SDK2: variants seen among roughly 807,000 people sequenced by gnomAD.
SDK2 encodes protein sidekick-2.
In SDK2, 105 loss-of-function variants were observed where a neutral mutation model predicts 253.9. The observed-to-expected ratio is 0.41, with a 90% CI of 0.35 to 0.49. SDK2 has a LOEUF of 0.49. SDK2 is among the 20% of genes least tolerant of loss of function. SDK2 has a pLI of 0.06. For missense variants in SDK2, 2,608 were observed against 3,003.0 expected, an observed-to-expected ratio of 0.87 and a Z score of 3.07; for synonymous variants, 1,249 against 1,234.9, an observed-to-expected ratio of 1.01 and a Z score of -0.24.
chr17:73,469,139 T>G (rs577913443), intron 3 of SDK2, among the ~76,000 whole-genome samples: 1 of 152,268 alleles, frequency 6.6e-6, no homozygotes, highest in Non-Finnish European at 1.5e-5. Flanking sequence ...CTCTTTTTAT[T>G]AAGCCACACT....
intron 1 of SDK2, among the ~76,000 whole-genome samples, chr17:73,521,793 T>C (rs2064082062): frequency 6.6e-6 from 1 of 152,222 alleles, no homozygotes; most frequent in African/African-American, 2.4e-5. Context: ...CACAGTCTCC[T>C]GGCGCGTACC....
intron 3 of SDK2, among the ~76,000 whole-genome samples, chr17:73,463,731 G>T (rs1207125682): frequency 2.0e-5 from 3 of 152,118 alleles, no homozygotes; most frequent in Admixed American, 1.3e-4. Context: ...TTTTGGGGGG[G>T]CTCCATCCTG....
At position 73,496,411 on chromosome 17, in the gene SDK2, G is replaced by T. The variant is rs1468590427; in HGVS notation, c.224+11027C>A. ...GGGAAGATAAACAACGGTTTGCCAG[G>T]TAGCAGAGGCGTGCGAGGACGGTAG... On this transcript the variant is annotated intron_variant, in intron 2 of 44. Transcript: ENST00000392650. This position sits in a 1 kb window ranked among gnomAD's most constrained non-coding sequence, Gnocchi z 4.7. 6.6e-6 allele frequency among the ~76,000 whole-genome samples: 1 copy of T among 152,180 alleles called. No homozygotes were observed. Among genetic ancestry groups the T allele is most frequent in the Non-Finnish European group, 1.5e-5 (1 of 68,028 alleles).
rs1372815254 is a variant in SDK2 at position 73,465,934 on chromosome 17, C to CGT, written c.331+6176_331+6177dup. Among the ~76,000 whole-genome samples the CGT allele has an allele frequency of 1.3e-5, 2 of 152,114 alleles. No homozygotes were observed. Among genetic ancestry groups the CGT allele is most frequent in the Non-Finnish European group, 1.5e-5 (1 of 68,036 alleles). ...CTCTCTCAGAACTGTGTGCCATCTG[C>CGT]GTGTGTGTGTAAGGAGACAGACGGA... On this transcript the variant is annotated intron_variant, in intron 3 of 44. Coordinates refer to ENST00000392650, the MANE Select transcript of SDK2 (RefSeq NM_001144952.2). This position sits in a 1 kb window ranked among gnomAD's most constrained non-coding sequence, Gnocchi z 4.2.
intron 38 of SDK2, among the ~76,000 whole-genome samples, chr17:73,364,687 TC>T (rs1343066729): frequency 1.3e-5 from 2 of 152,174 alleles, no homozygotes; most frequent in Admixed American, 1.3e-4. Flanking sequence ...AGTGGCGTGA[TC>T]CCGGCTTACT....
rs1309639234 is a variant in SDK2 at position 73,431,626 on chromosome 17, G to A, written c.1356C>T (p.Phe452=). ...LASGSVQLPR[F]TPLESGSLLI... ...GGAGGCTGCCCGACTCCAGGGGTGTGAAGCGAGGCAGCTGCACAGAGCCAC... is the reference window on the plus strand; with the variant it reads ...GGAGGCTGCCCGACTCCAGGGGTGTAAAGCGAGGCAGCTGCACAGAGCCAC... The change falls in exon 11 of 45, where the codon TTC becomes TTT. Residue 452 remains phenylalanine (F), a synonymous_variant. Transcript: ENST00000392650. The surrounding 1 kb of genome is among the most constrained non-coding windows in gnomAD (Gnocchi z 5.6). 2 of 1,613,112 alleles carry A rather than the reference G, an allele frequency of 1.2e-6. No individual in the cohort carries two copies. Among genetic ancestry groups the A allele is most frequent in the South Asian group, 1.1e-5 (1 of 91,044 alleles).
At chr17:73,446,421 T>C (rs1236426242) in intron 5 of SDK2, among the ~76,000 whole-genome samples, 1 of 151,914 alleles carries the variant, frequency 6.6e-6, no homozygotes, top group Non-Finnish European at 1.5e-5. Flanking sequence ...AGAATGAAAC[T>C]CTCCTCCCCG....
intron 1 of SDK2, among the ~76,000 whole-genome samples, chr17:73,607,780 G>C (rs1004477512): frequency 1.3e-5 from 2 of 152,094 alleles, no homozygotes; most frequent in Admixed American, 6.5e-5. Context: ...TGTAGAAAAG[G>C]CTTTTACTCT....
chr17:73,569,104 G>A (rs1254860577), intron 1 of SDK2, among the ~76,000 whole-genome samples: 1 of 152,044 alleles, frequency 6.6e-6, no homozygotes, highest in Non-Finnish European at 1.5e-5. Context: ...CAGAGATGTT[G>A]AGTAACTCAC....
In SDK2 at chr17:73,394,230, G is replaced by A. The variant is rs372758501; in HGVS notation, c.3687C>T (p.Asn1229=). The A allele has an allele frequency of 7.3e-5, 116 of 1,589,166 alleles. 1 individual carries two copies. Among genetic ancestry groups the A allele is most frequent in the African/African-American group, 6.8e-4 (51 of 74,472 alleles). The part of the protein sequence containing the change: ...RWSEVPEADR[N]GLVLGYKVMY... The stretch of plus-strand genomic sequence containing the variant: ...TCACCTTATAGCCCAGCACGAGCCC[G>A]TTGCGATCAGCCTCGGGGACCTCGC... The change falls in exon 26 of 45, where the codon AAC becomes AAT. Residue 1229 remains asparagine (N), a synonymous_variant. Transcript: ENST00000392650.
rs1278184461 is a variant in SDK2, at chr17:73,408,908, C to A, written c.2484+5736G>T. Reference sequence around the variant, plus strand: ...CTGGATATCTGATGATATTACAGGGCCTGCTGATATTTTTAGCTATCATAA... The same window carrying A: ...CTGGATATCTGATGATATTACAGGGACTGCTGATATTTTTAGCTATCATAA... On this transcript the variant is annotated intron_variant, in intron 18 of 44. Coordinates refer to ENST00000392650, the MANE Select transcript of SDK2 (RefSeq NM_001144952.2). Among the ~76,000 whole-genome samples the A allele has an allele frequency of 3.3e-5, 5 of 152,112 alleles. No homozygotes were observed. The East Asian group carries it at 9.6e-4, about 29-fold the overall frequency.
chr17:73,533,101 C>A (rs1342881969), intron 1 of SDK2, among the ~76,000 whole-genome samples: 2 of 152,230 alleles, frequency 1.3e-5, no homozygotes, highest in Non-Finnish European at 2.9e-5. Context: ...CTCTGTGTAA[C>A]CCTCATGCCC....
chr17:73,636,702 A>AAAAAAAAAAG (rs2046336038), intron 1 of SDK2, among the ~76,000 whole-genome samples: 1 of 99,960 alleles, frequency 1.0e-5, no homozygotes, highest in Non-Finnish European at 2.1e-5. Flanking sequence ...AAAAAAAAAA[A>AAAAAAAAAAG]AAAAGAAAAG....
chr17:73,571,531 G>A (rs1358558407), intron 1 of SDK2, among the ~76,000 whole-genome samples: 1 of 152,214 alleles, frequency 6.6e-6, no homozygotes, highest in Non-Finnish European at 1.5e-5. Context: ...AGTCCAGCCC[G>A]GTGGCCCCCC....
intron 1 of SDK2, among the ~76,000 whole-genome samples, chr17:73,540,622 C>T (rs1176992815): frequency 6.6e-6 from 1 of 152,180 alleles, no homozygotes; most frequent in South Asian, 2.1e-4. Flanking sequence ...AAGCAAAACA[C>T]TTCGTGCGTG....
chr17:73,358,596 G>A (rs963178283), intron 39 of SDK2, among the ~76,000 whole-genome samples: 1 of 152,116 alleles, frequency 6.6e-6, no homozygotes, highest in Non-Finnish European at 1.5e-5. Context: ...AGGCTTGAAG[G>A]CTGTGTCCTG....
chr17:73,411,404 CG>C, intron 18 of SDK2, among the ~76,000 whole-genome samples: 1 of 152,260 alleles, frequency 6.6e-6, no homozygotes, highest in South Asian at 2.1e-4. Flanking sequence ...CAGGAACCTT[CG>C]GGATGTGTCA....
chr17:73,345,288 C>T (rs1170732998), intron 44 of SDK2, among the ~76,000 whole-genome samples: 1 of 151,242 alleles, frequency 6.6e-6, no homozygotes, highest in Admixed American at 6.6e-5. Flanking sequence ...CATTGCACTC[C>T]AGCCTGGGGG....
At chr17:73,606,465 C>G (rs2045908573) in intron 1 of SDK2, among the ~76,000 whole-genome samples, 1 of 152,160 alleles carries the variant, frequency 6.6e-6, no homozygotes, top group African/African-American at 2.4e-5. Flanking sequence ...ACAACATCAG[C>G]TGCCACCTCC....
Sources: allele counts gnomAD v4.1 joint callset (sites outside exome capture counted in the v4.1 genomes callset), GRCh38; gene constraint gnomAD v4.1.1; non-coding constraint Gnocchi (gnomAD v3.1); transcripts MANE v1.5; gene names NCBI Gene and HGNC (gene_info 2026-07-23, HGNC 2026-07-21).